Variants in ZNF782 observed in about 807,000 individuals in gnomAD.
The protein encoded by ZNF782 is zinc finger protein 782.
In ZNF782, 12 loss-of-function variants were observed where a neutral mutation model predicts 13.0. The ratio of observed to expected loss-of-function variants is 0.92; its 90% CI spans 0.59 to 1.50. ZNF782 has a LOEUF of 1.50. Among genes scored for constraint, ZNF782 ranks in the 40% most tolerant of loss-of-function variants. The pLI, the probability that ZNF782 is intolerant of heterozygous loss-of-function variation, is 0.00. For synonymous variants in ZNF782, 284 were observed against 283.0 expected (o/e 1.00, Z -0.04); for missense variants, 770 against 822.9 (o/e 0.94, Z 0.79).
chr9:96,908,268 C>T, the ZNF782 span, among the ~76,000 whole-genome samples: 7 of 151,772 alleles, frequency 4.6e-5, no homozygotes, highest in East Asian at 1.4e-3. Flanking sequence ...TTCCTGGGCT[C>T]AAGTGATCCT....
chr9:96,829,584 A>G (rs1245750814), intron 4 of ZNF782, among the ~76,000 whole-genome samples: 1 of 152,182 alleles, frequency 6.6e-6, no homozygotes, highest in Non-Finnish European at 1.5e-5. Flanking sequence ...AAGAAGAAGT[A>G]CAGAAGAGTT....
upstream of ZNF782, among the ~76,000 whole-genome samples, chr9:96,879,077 C>T (rs1039113600): frequency 2.0e-5 from 3 of 152,242 alleles, no homozygotes; most frequent in African/African-American, 4.8e-5. Context: ...TATATTCATT[C>T]AACAGACACT....
the ZNF782 span, chr9:96,888,219 T>C: frequency 2.0e-5 from 3 of 150,192 alleles, no homozygotes; most frequent in Admixed American, 2.0e-4. Context: ...AAATGTACCA[T>C]GCAAATATTA....
the ZNF782 span, among the ~76,000 whole-genome samples, chr9:96,912,439 A>T: frequency 6.8e-6 from 1 of 146,298 alleles, no homozygotes; most frequent in South Asian, 2.1e-4. Flanking sequence ...CATTGCAGTG[A>T]GCCGAGATCG....
the ZNF782 span, chr9:96,888,008 G>A: frequency 8.0e-6 from 1 of 124,474 alleles, no homozygotes; most frequent in South Asian, 3.1e-4. Context: ...TCACACACCA[G>A]GGCCTGTTGT....
At chr9:96,913,169 G>A in the ZNF782 span, among the ~76,000 whole-genome samples, 2 of 151,926 alleles carry the variant, frequency 1.3e-5, no homozygotes, top group African/African-American at 2.4e-5. Flanking sequence ...ACAAAAACTA[G>A]CCAGGTGTGG....
intron 4 of ZNF782, among the ~76,000 whole-genome samples, chr9:96,835,937 C>T (rs1850979328): frequency 6.6e-6 from 1 of 152,110 alleles, no homozygotes; most frequent in Admixed American, 6.5e-5. Flanking sequence ...GCTAGGACCC[C>T]AAAATTGTAG....
upstream of ZNF782, among the ~76,000 whole-genome samples, chr9:96,880,403 T>C (rs1303929331): frequency 6.6e-6 from 1 of 152,212 alleles, no homozygotes; most frequent in Non-Finnish European, 1.5e-5. Context: ...TCAAGTGTGA[T>C]GCTAGCTTTA....
chr9:96,827,231 T>C (rs772801682), intron 4 of ZNF782, 50 bp from the exon 5 acceptor site: 1 of 1,334,256 alleles, frequency 7.5e-7, no homozygotes, highest in Non-Finnish European at 1.0e-6. Context: ...TAGGTTCTAC[T>C]GTTTCTGAAT....
At chr9:96,823,184 G>A (rs374197054) in intron 5 of ZNF782, among the ~76,000 whole-genome samples, 134 of 152,208 alleles carry the variant, frequency 8.8e-4, no homozygotes, top group Non-Finnish European at 1.5e-3. Flanking sequence ...ATTCTACCTC[G>A]TAGCATGAGC....
upstream of ZNF782, among the ~76,000 whole-genome samples, chr9:96,876,943 CAAAAAAAAAAAAAAAA>C (rs398011569): frequency 3.3e-4 from 14 of 42,816 alleles, no homozygotes; most frequent in South Asian, 8.3e-3. Context: ...AACTCCGACT[CAAAAAAAAAAAAAAAA>C]AAAAAAAAAA....
chr9:96,834,299 C>T (rs1158654285), intron 4 of ZNF782, among the ~76,000 whole-genome samples: 1 of 152,196 alleles, frequency 6.6e-6, no homozygotes, highest in Non-Finnish European at 1.5e-5. Flanking sequence ...TCACTGGGCA[C>T]TCATTCTCTC....
the ZNF782 span, among the ~76,000 whole-genome samples, chr9:96,885,904 C>A: frequency 5.3e-5 from 8 of 151,854 alleles, no homozygotes; most frequent in Non-Finnish European, 1.0e-4. Flanking sequence ...CTGGAGGGCA[C>A]TGGTGCAATC....
At chr9:96,903,250 GC>G in the ZNF782 span, 1 of 151,968 alleles carries the variant, frequency 6.6e-6, no homozygotes. Flanking sequence ...CCGATTTGTT[GC>G]CTAACATTTA....
At chr9:96,887,143 G>A in the ZNF782 span, among the ~76,000 whole-genome samples, 18 of 151,126 alleles carry the variant, frequency 1.2e-4, no homozygotes, top group African/African-American at 2.2e-4. Flanking sequence ...GTGAAACCCC[G>A]TCTTTACTAA....
intron 1 of ZNF782, among the ~76,000 whole-genome samples, chr9:96,874,220 A>G (rs190498591): frequency 6.6e-6 from 1 of 152,286 alleles, no homozygotes; most frequent in East Asian, 1.9e-4. Flanking sequence ...GACACAAACT[A>G]AGTGGGTCTG....
chr9:96,851,004 G>A (rs12554756), intron 3 of ZNF782, among the ~76,000 whole-genome samples: 5,422 of 152,176 alleles, frequency 0.036, 157 homozygotes, highest in Non-Finnish European at 0.057. Flanking sequence ...GTAAAGCGGT[G>A]TGAAAATTAT....
rs1255343328 is a variant in ZNF782 at position 96,819,402 on chromosome 9, T to C, written c.621A>G (p.Thr207=). The change falls in exon 6 of 6, where the codon ACA becomes ACG. Residue 207 remains threonine (T), a synonymous_variant. Transcript: ENST00000481138. ...HHKEEVIQHQ[T]IQTLGQDFEY... ...CAAAATCTTGCCCCAGAGTCTGAAT[T>C]GTCTGATGTTGAATAACTTCCTCCT... 1.2e-6 allele frequency: 2 copies of C among 1,606,208 alleles called. No homozygotes were observed. The highest frequency in any genetic ancestry group is 2.2e-5 in the South Asian group (2 of 88,974).
chr9:96,825,850 T>C (rs1314926164), intron 5 of ZNF782, among the ~76,000 whole-genome samples: 4 of 150,824 alleles, frequency 2.7e-5, no homozygotes, highest in South Asian at 4.2e-4. Flanking sequence ...CACAATGAGA[T>C]ACCATCTCAC....
Sources: allele counts gnomAD v4.1 joint callset (sites outside exome capture counted in the v4.1 genomes callset), GRCh38; gene constraint gnomAD v4.1.1; transcripts MANE v1.5; gene names NCBI Gene and HGNC (gene_info 2026-07-23, HGNC 2026-07-21).